FSTL4: variants seen among roughly 807,000 people sequenced by gnomAD.
FSTL4 encodes follistatin like 4.
In FSTL4, 28 loss-of-function variants were observed where a neutral mutation model predicts 78.2. The ratio of observed to expected loss-of-function variants is 0.36; its 90% CI spans 0.27 to 0.49. The LOEUF (loss-of-function observed/expected upper bound fraction) is 0.49, where lower values mean the gene tolerates loss of function less well. Among genes scored for constraint, FSTL4 ranks in the 20% least tolerant of loss-of-function variants. The pLI, the probability that FSTL4 is intolerant of heterozygous loss-of-function variation, is 0.98. For synonymous variants in FSTL4, 422 were observed against 440.5 expected (o/e 0.96, Z 0.53); for missense variants, 922 against 1,084.9 (o/e 0.85, Z 2.11).
At position 133,224,198 on chromosome 5, in the gene FSTL4, C is replaced by T. The variant is rs757412401; in HGVS notation, c.1331G>A (p.Arg444Gln). The T allele has an allele frequency of 1.7e-5, 27 of 1,612,490 alleles. No individual in the cohort carries two copies. Among genetic ancestry groups the T allele is most frequent in the South Asian group, 5.5e-5 (5 of 90,890 alleles). Residue 444 changes from arginine (R) to glutamine (Q), a missense_variant, in exon 11 of 16, where the codon CGA becomes CAA. Coordinates refer to ENST00000265342, the MANE Select transcript of FSTL4 (RefSeq NM_015082.2). ...ARKTLANILW[R>Q]EEGLSVGNMF... ...ACAATGAAGCTTGGTACCTTCCTCT[C>T]GCCACAGGATGTTTGCAACTGCAGC...
At chr5:133,256,240 C>T (rs1752377883) in intron 6 of FSTL4, among the ~76,000 whole-genome samples, 1 of 152,180 alleles carries the variant, frequency 6.6e-6, no homozygotes, top group Non-Finnish European at 1.5e-5. Context: ...TAACTGCGGC[C>T]TCTTCCCACA....
chr5:133,832,826 C>T, the FSTL4 span, among the ~76,000 whole-genome samples: 1 of 152,214 alleles, frequency 6.6e-6, no homozygotes, highest in Non-Finnish European at 1.5e-5. Flanking sequence ...CTGTCACCAA[C>T]TATCCAACTC....
chr5:133,496,008 T>C (rs1758360617), intron 3 of FSTL4, among the ~76,000 whole-genome samples: 1 of 152,110 alleles, frequency 6.6e-6, no homozygotes, highest in South Asian at 2.1e-4. Flanking sequence ...TTTGAGGATG[T>C]TCAGAGGCAG....
chr5:133,307,090 C>T (rs532652070), intron 6 of FSTL4, among the ~76,000 whole-genome samples: 6 of 152,286 alleles, frequency 3.9e-5, no homozygotes, highest in South Asian at 4.1e-4. Flanking sequence ...CCAGTTTAAC[C>T]TCTGGTAGGG....
intron 3 of FSTL4, among the ~76,000 whole-genome samples, chr5:133,515,105 T>A (rs1404907062): frequency 6.6e-6 from 1 of 152,154 alleles, no homozygotes; most frequent in Non-Finnish European, 1.5e-5. Flanking sequence ...AAATAACAGA[T>A]AAATCTAAAT....
At chr5:133,777,119 G>A in the FSTL4 span, among the ~76,000 whole-genome samples, 1 of 152,200 alleles carries the variant, frequency 6.6e-6, no homozygotes, top group South Asian at 2.1e-4. Flanking sequence ...ACAGGTGGAA[G>A]AGTTCCTAGG....
the FSTL4 span, among the ~76,000 whole-genome samples, chr5:133,688,559 T>C: frequency 1.3e-5 from 2 of 152,250 alleles, no homozygotes; most frequent in African/African-American, 2.4e-5. Context: ...TGACTCAGCC[T>C]CGAAACAGTC....
intron 2 of FSTL4, among the ~76,000 whole-genome samples, chr5:133,598,746 C>G (rs1484734820): frequency 6.6e-6 from 1 of 152,158 alleles, no homozygotes; most frequent in East Asian, 1.9e-4. Context: ...GGAGACCATT[C>G]TCGCCTCTTG....
chr5:133,630,083 G>A, the FSTL4 span, among the ~76,000 whole-genome samples: 1 of 152,252 alleles, frequency 6.6e-6, no homozygotes, highest in Non-Finnish European at 1.5e-5. Context: ...TTGAAAACTG[G>A]CAGAAGACAA....
chr5:133,379,749 T>G (rs917521787), intron 4 of FSTL4, among the ~76,000 whole-genome samples: 3 of 152,254 alleles, frequency 2.0e-5, no homozygotes, highest in African/African-American at 7.2e-5. Flanking sequence ...AAGGAGTGCT[T>G]AGAGAGAAAC....
chr5:133,794,874 CA>C, the FSTL4 span, among the ~76,000 whole-genome samples: 1 of 152,150 alleles, frequency 6.6e-6, no homozygotes, highest in Non-Finnish European at 1.5e-5. Context: ...ACCCTTGAGC[CA>C]TTCCTGGACC....
rs1750255478 is a variant in FSTL4, at chr5:133,199,598, T to C, written c.2026A>G (p.Ser676Gly). The C allele has an allele frequency of 6.2e-7, 1 of 1,614,140 alleles. No homozygotes were observed. Among genetic ancestry groups the C allele is most frequent in the East Asian group, 2.2e-5 (1 of 44,862 alleles). ...ASAARQLLVD[S>G]VTDSVLGPNG... Reference sequence around the variant, plus strand: ...GGGCCAAGCACAGAGTCTGTGACACTGTCAACGAGCAGCTGTCGGGCAGCA... The same window carrying C: ...GGGCCAAGCACAGAGTCTGTGACACCGTCAACGAGCAGCTGTCGGGCAGCA... The change falls in exon 16 of 16, where the codon AGT (serine) becomes GGT (glycine). Residue 676 changes from serine to glycine, a missense_variant. Physicochemically the swap from Ser to Gly is moderately conservative, Grantham distance 56. Coordinates refer to ENST00000265342, the MANE Select transcript of FSTL4 (RefSeq NM_015082.2). This position sits in a 1 kb window ranked among gnomAD's most constrained non-coding sequence, Gnocchi z 4.4.
At chr5:133,736,079 G>A in the FSTL4 span, among the ~76,000 whole-genome samples, 2 of 152,226 alleles carry the variant, frequency 1.3e-5, no homozygotes, top group Non-Finnish European at 2.9e-5. Flanking sequence ...CTGGAGGATG[G>A]AGGGTACCAG....
At chr5:133,672,971 A>G in the FSTL4 span, among the ~76,000 whole-genome samples, 1 of 152,242 alleles carries the variant, frequency 6.6e-6, no homozygotes, top group Non-Finnish European at 1.5e-5. Flanking sequence ...CAATATATGT[A>G]AGAAGTACAC....
At chr5:133,727,225 G>T in the FSTL4 span, among the ~76,000 whole-genome samples, 1 of 152,134 alleles carries the variant, frequency 6.6e-6, no homozygotes, top group Non-Finnish European at 1.5e-5. Flanking sequence ...ACAACAAAGG[G>T]CATTTTAATG....
At chr5:133,664,458 C>T in the FSTL4 span, among the ~76,000 whole-genome samples, 1 of 152,170 alleles carries the variant, frequency 6.6e-6, no homozygotes, top group East Asian at 1.9e-4. Flanking sequence ...CTCATCTTCC[C>T]CAAGGGAGGC....
At chr5:133,317,455 G>C (rs1388321133) in intron 4 of FSTL4, among the ~76,000 whole-genome samples, 2 of 152,224 alleles carry the variant, frequency 1.3e-5, no homozygotes, top group African/African-American at 4.8e-5. Context: ...GACTCCCTGG[G>C]GGATGAGTAC....
At chr5:133,425,721 T>C (rs1468309420) in intron 3 of FSTL4, among the ~76,000 whole-genome samples, 2 of 152,208 alleles carry the variant, frequency 1.3e-5, no homozygotes, top group African/African-American at 4.8e-5. Context: ...TAATTCTGTG[T>C]TCCTACTGTG....
chr5:133,619,446 T>C, the FSTL4 span, among the ~76,000 whole-genome samples: 2 of 152,168 alleles, frequency 1.3e-5, no homozygotes, highest in Non-Finnish European at 2.9e-5. Context: ...GAAGTCGAAA[T>C]GTAAATAAAA....
Sources: allele counts gnomAD v4.1 joint callset (sites outside exome capture counted in the v4.1 genomes callset), GRCh38; gene constraint gnomAD v4.1.1; non-coding constraint Gnocchi (gnomAD v3.1); transcripts MANE v1.5; gene names NCBI Gene and HGNC (gene_info 2026-07-23, HGNC 2026-07-21).